The following VAV3 variants were observed in gnomAD, a reference collection of about 807,000 sequenced individuals.
VAV3 encodes guanine nucleotide exchange factor VAV3.
Under a neutral mutation model 131.2 loss-of-function variants are expected in VAV3, and 94 were observed. The ratio of observed to expected loss-of-function variants is 0.72; its 90% CI spans 0.61 to 0.85. The LOEUF (loss-of-function observed/expected upper bound fraction) is 0.85. Among genes scored for constraint, VAV3 ranks in the 40% least tolerant of loss-of-function variants. The pLI is 0.00. For synonymous variants in VAV3, 349 were observed against 342.0 expected, an observed-to-expected ratio of 1.02 and a Z score of -0.22; for missense variants, 939 against 1,002.7, an observed-to-expected ratio of 0.94 and a Z score of 0.86.
chr1:107,944,816 G>A (rs1674172309), intron 1 of VAV3, among the ~76,000 whole-genome samples: 1 of 152,138 alleles, frequency 6.6e-6, no homozygotes, highest in East Asian at 1.9e-4. Context: ...ATGTTGCCCA[G>A]GCTGGTCTCG....
intron 1 of VAV3, among the ~76,000 whole-genome samples, chr1:107,877,569 T>C (rs1044857524): frequency 5.9e-5 from 9 of 152,208 alleles, no homozygotes; most frequent in Non-Finnish European, 1.2e-4. Flanking sequence ...CCCTTACTTC[T>C]GGAATTCATC....
chr1:107,769,604 T>C (rs1270907758), intron 6 of VAV3, among the ~76,000 whole-genome samples: 1 of 152,240 alleles, frequency 6.6e-6, no homozygotes, highest in Non-Finnish European at 1.5e-5. Context: ...AATCTATTTG[T>C]CAATTCAGTC....
intron 25 of VAV3, among the ~76,000 whole-genome samples, chr1:107,581,582 G>C (rs764595966): frequency 5.2e-4 from 79 of 152,300 alleles, no homozygotes; most frequent in Non-Finnish European, 5.6e-4. Flanking sequence ...CAAATCATTA[G>C]TGGTTATTAT....
At chr1:107,809,424 T>C (rs536889022) in intron 2 of VAV3, among the ~76,000 whole-genome samples, 1 of 152,344 alleles carries the variant, frequency 6.6e-6, no homozygotes, top group South Asian at 2.1e-4. Flanking sequence ...CCTTGGATAG[T>C]ACAGTCAGCA....
At position 107,571,234 on chromosome 1, in the gene VAV3, G is replaced by A. The variant is rs8458; in HGVS notation, c.*2097C>T. The A allele has an allele frequency of 0.59, 90,474 of 152,192 alleles. 27,066 individuals carry two copies. Among genetic ancestry groups the A allele is most frequent in the Non-Finnish European group, 0.61 (41,661 of 67,852 alleles). The allele number at this position is 152,192 out of a possible 1,614,324, so 9.4% of individuals were successfully genotyped here. ...AAGTGAAATACCACTCTAATTCACC[G>A]TATTACACGAGGGCTGCATACAGGC... On this transcript the variant is annotated 3_prime_UTR_variant, in exon 27 of 27. Transcript: ENST00000370056.
chr1:107,596,413 C>T, intron 24 of VAV3, 72 bp from the exon 25 acceptor site: 2 of 1,533,432 alleles, frequency 1.3e-6, no homozygotes, highest in South Asian at 2.4e-5. Context: ...CTCCTGAGCA[C>T]ATAAATACAA....
At chr1:107,620,533 T>C (rs901926805) in intron 20 of VAV3, among the ~76,000 whole-genome samples, 3 of 152,146 alleles carry the variant, frequency 2.0e-5, no homozygotes, top group Non-Finnish European at 2.9e-5. Flanking sequence ...CTACACTCCA[T>C]AACATTTACA....
intron 20 of VAV3, among the ~76,000 whole-genome samples, chr1:107,638,595 A>G (rs1289937506): frequency 6.6e-6 from 1 of 152,174 alleles, no homozygotes; most frequent in African/African-American, 2.4e-5. Flanking sequence ...TAGGATGTCA[A>G]TTTTCCTATA....
chr1:107,640,961 A>G (rs113063097), intron 20 of VAV3, among the ~76,000 whole-genome samples: 2 of 152,206 alleles, frequency 1.3e-5, no homozygotes, highest in African/African-American at 4.8e-5. Flanking sequence ...AATACGGGAT[A>G]AAAAGTCCAA....
intron 20 of VAV3, among the ~76,000 whole-genome samples, chr1:107,620,327 C>A (rs931281380): frequency 5.9e-5 from 9 of 152,110 alleles, no homozygotes; most frequent in Non-Finnish European, 1.2e-4. Flanking sequence ...CAATGACTAA[C>A]TTTATAATGA....
At chr1:107,635,191 T>C (rs1253876928) in intron 20 of VAV3, among the ~76,000 whole-genome samples, 7 of 152,078 alleles carry the variant, frequency 4.6e-5, no homozygotes, top group Non-Finnish European at 7.3e-5. Flanking sequence ...TGCATCACTA[T>C]TCACAATAGC....
intron 21 of VAV3, among the ~76,000 whole-genome samples, chr1:107,617,115 T>C (rs1401265626): frequency 6.6e-6 from 1 of 152,228 alleles, no homozygotes; most frequent in Admixed American, 6.5e-5. Context: ...AATGTCACAC[T>C]AAAGTATAGA....
At chr1:107,938,880 ACCAATCACAGAGTTTCAG>A (rs1047286432) in intron 1 of VAV3, among the ~76,000 whole-genome samples, 6 of 152,342 alleles carry the variant, frequency 3.9e-5, no homozygotes, top group Non-Finnish European at 5.9e-5. Context: ...CTACTCTTGT[ACCAATCACAGAGTTTCAG>A]CCAATCACAG....
intron 24 of VAV3, among the ~76,000 whole-genome samples, chr1:107,600,482 G>GAA (rs1403228199): frequency 7.9e-5 from 12 of 152,046 alleles, no homozygotes; most frequent in Non-Finnish European, 1.6e-4. Context: ...ATATGGAGAC[G>GAA]AAAACACATA....
chr1:107,573,024 A>C lies in VAV3; in HGVS notation c.*307T>G, dbSNP rs1258507678. ...CATGGTATCTGACCAGAAGAAGTAAAGGGAAGCACGAACCAATGTGTTTGC... is the reference window on the plus strand; with the variant it reads ...CATGGTATCTGACCAGAAGAAGTAACGGGAAGCACGAACCAATGTGTTTGC... On this transcript the variant is annotated 3_prime_UTR_variant, in exon 27 of 27. Transcript: ENST00000370056. The C allele has an allele frequency of 1.7e-5, 6 of 361,156 alleles. No individual in the cohort carries two copies. Among genetic ancestry groups the C allele is most frequent in the African/African-American group, 1.3e-4 (6 of 47,778 alleles). The allele number at this position is 361,156 out of a possible 1,614,324, so 22.4% of individuals were successfully genotyped here.
intron 2 of VAV3, among the ~76,000 whole-genome samples, chr1:107,873,120 C>A (rs866308354): frequency 6.6e-6 from 1 of 152,114 alleles, no homozygotes; most frequent in East Asian, 1.9e-4. Context: ...TGTTTCAGAT[C>A]TACCACTGCT....
At chr1:107,635,595 A>C (rs909500918) in intron 20 of VAV3, among the ~76,000 whole-genome samples, 1 of 152,196 alleles carries the variant, frequency 6.6e-6, no homozygotes, top group South Asian at 2.1e-4. Flanking sequence ...CGTTGTGCAC[A>C]CGTACCCTAA....
chr1:107,938,447 T>C (rs1488285559), intron 1 of VAV3, among the ~76,000 whole-genome samples: 2 of 152,028 alleles, frequency 1.3e-5, no homozygotes, highest in African/African-American at 4.8e-5. Context: ...TAGGGATAAA[T>C]TCCCAAAGAC....
At chr1:107,731,285 C>G (rs1662222626) in intron 15 of VAV3, among the ~76,000 whole-genome samples, 1 of 152,208 alleles carries the variant, frequency 6.6e-6, no homozygotes, top group African/African-American at 2.4e-5. Flanking sequence ...CAGCATCTAG[C>G]ATTCATTGTA....
Sources: allele counts gnomAD v4.1 joint callset (sites outside exome capture counted in the v4.1 genomes callset), GRCh38; gene constraint gnomAD v4.1.1; transcripts MANE v1.5; gene names NCBI Gene and HGNC (gene_info 2026-07-23, HGNC 2026-07-21).